Variants in SBNO1 observed in about 807,000 individuals in gnomAD.
The protein encoded by SBNO1 is protein strawberry notch homolog 1.
Under a neutral mutation model 173.6 loss-of-function variants are expected in SBNO1, and 23 were observed. The ratio of observed to expected loss-of-function variants is 0.13; its 90% CI spans 0.10 to 0.19. The LOEUF is 0.19. Among genes scored for constraint, SBNO1 ranks in the 10% least tolerant of loss-of-function variants. The pLI is 1.00. For synonymous variants in SBNO1, 632 were observed against 571.5 expected (o/e 1.11, Z -1.51); for missense variants, 1,238 against 1,671.2 (o/e 0.74, Z 4.52).
intron 1 of SBNO1, among the ~76,000 whole-genome samples, chr12:123,360,637 G>T (rs1429010692): frequency 6.6e-6 from 1 of 151,822 alleles, no homozygotes; most frequent in African/African-American, 2.4e-5. Flanking sequence ...GTAGACAGGG[G>T]TTTCATCGTG....
chr12:123,332,739 G>T (rs1225242969), intron 7 of SBNO1, among the ~76,000 whole-genome samples: 2 of 151,750 alleles, frequency 1.3e-5, no homozygotes, highest in African/African-American at 2.4e-5. Flanking sequence ...GCTAATTTTT[G>T]TATTTTTGGT....
intron 9 of SBNO1, among the ~76,000 whole-genome samples, chr12:123,329,119 C>T (rs1009302477): frequency 6.6e-6 from 1 of 152,176 alleles, no homozygotes; most frequent in Admixed American, 6.5e-5. Context: ...GTGGCTCACA[C>T]CTGTAATCCC....
At chr12:123,359,157 T>C (rs1275394248) in intron 1 of SBNO1, among the ~76,000 whole-genome samples, 1 of 151,796 alleles carries the variant, frequency 6.6e-6, no homozygotes, top group Non-Finnish European at 1.5e-5. Flanking sequence ...ATGGTCTCCA[T>C]CTCCCGACCT....
intron 5 of SBNO1, among the ~76,000 whole-genome samples, chr12:123,340,366 A>G (rs1872386582): frequency 6.6e-6 from 1 of 152,052 alleles, no homozygotes; most frequent in Non-Finnish European, 1.5e-5. Context: ...AGATTACCTG[A>G]GGTCAGGAGT....
chr12:123,346,720 CA>C (rs1873195109), intron 3 of SBNO1, among the ~76,000 whole-genome samples: 1 of 151,652 alleles, frequency 6.6e-6, no homozygotes, highest in African/African-American at 2.4e-5. Flanking sequence ...CAACTTTTTT[CA>C]ATATTTTGAC....
chr12:123,304,929 T>C (rs1256200486), intron 28 of SBNO1, among the ~76,000 whole-genome samples: 1 of 152,196 alleles, frequency 6.6e-6, no homozygotes, highest in Admixed American at 6.5e-5. Context: ...TGGCTAAAGA[T>C]GAAGGTTAAA....
chr12:123,314,306 ATAGGTGCCCGCCACC>A (rs1315004205), intron 23 of SBNO1, among the ~76,000 whole-genome samples: 1 of 149,922 alleles, frequency 6.7e-6, no homozygotes, highest in Non-Finnish European at 1.5e-5. Context: ...AGCTGGGATT[ATAGGTGCCCGCCACC>A]ATGCCCAACT....
At chr12:123,333,537 C>T (rs1210400895) in intron 7 of SBNO1, among the ~76,000 whole-genome samples, 1 of 151,924 alleles carries the variant, frequency 6.6e-6, no homozygotes, top group Admixed American at 6.6e-5. Context: ...GTCTCGTTCC[C>T]ATCACCCAGG....
At chr12:123,363,704 C>T (rs895123922) in intron 1 of SBNO1, among the ~76,000 whole-genome samples, 1 of 152,096 alleles carries the variant, frequency 6.6e-6, no homozygotes, top group Non-Finnish European at 1.5e-5. Flanking sequence ...TCTTTTCCCA[C>T]GTTTCTCAAC....
intron 24 of SBNO1, among the ~76,000 whole-genome samples, chr12:123,311,720 C>CTATCTATATATATATA (rs1224940028): frequency 5.5e-5 from 7 of 127,430 alleles, no homozygotes; most frequent in African/African-American, 2.2e-4. Flanking sequence ...ATCTATCTAT[C>CTATCTATATATATATA]TATATATATA....
intron 28 of SBNO1, among the ~76,000 whole-genome samples, chr12:123,308,932 C>T (rs1006680573): frequency 2.6e-5 from 4 of 152,058 alleles, no homozygotes; most frequent in African/African-American, 7.2e-5. Flanking sequence ...GAAGAAACCC[C>T]GTCTCTACTA....
intron 1 of SBNO1, among the ~76,000 whole-genome samples, chr12:123,362,292 C>T (rs1447214210): frequency 1.3e-5 from 2 of 151,400 alleles, no homozygotes; most frequent in South Asian, 2.1e-4. Context: ...AAAAATTAGC[C>T]GGGCGTGGCA....
chr12:123,356,992 TGACA>T (rs1160733527), intron 1 of SBNO1, among the ~76,000 whole-genome samples: 1 of 152,240 alleles, frequency 6.6e-6, no homozygotes, highest in East Asian at 1.9e-4. Flanking sequence ...GTGATATGAC[TGACA>T]TTTAGTTTAA....
intron 1 of SBNO1, among the ~76,000 whole-genome samples, chr12:123,360,087 C>A (rs1874957548): frequency 6.6e-6 from 1 of 151,882 alleles, no homozygotes; most frequent in East Asian, 1.9e-4. Context: ...TAAAAACACA[C>A]AAAAAAATTA....
chr12:123,320,875 T>C lies in SBNO1; in HGVS notation c.2324-9A>G, dbSNP rs1869874193. ...TCTAATTAACCAGGGATCTGAGTGT[T>C]AAGGAAAGATACATGTCAAATCATT... On this transcript the variant is annotated splice_polypyrimidine_tract_variant and intron_variant, in intron 17 of 31. Transcript: ENST00000602398. 1 of 1,542,808 alleles carries C rather than the reference T, an allele frequency of 6.5e-7. No individual in the cohort carries two copies. The highest frequency in any genetic ancestry group is 8.8e-7 in the Non-Finnish European group (1 of 1,142,262).
At chr12:123,303,604 G>A (rs1156748633) in intron 29 of SBNO1, among the ~76,000 whole-genome samples, 1 of 152,056 alleles carries the variant, frequency 6.6e-6, no homozygotes, top group African/African-American at 2.4e-5. Flanking sequence ...AGCCAAGATC[G>A]CGCCACTACA....
chr12:123,310,968 C>G, intron 25 of SBNO1, 87 bp downstream of exon 25: 1 of 992,972 alleles, frequency 1.0e-6, no homozygotes. Context: ...GAACATGAAG[C>G]TTCCCCTTCA....
chr12:123,291,293 AG>A lies in SBNO1; in HGVS notation c.*4614del, dbSNP rs1187216874. The A allele has an allele frequency of 6.6e-6, 1 of 152,232 alleles. No homozygotes were observed. Among genetic ancestry groups the A allele is most frequent in the African/African-American group, 2.4e-5 (1 of 41,452 alleles). 9.4% of individuals were successfully genotyped at this position (152,232 alleles called of 1,614,324 possible). A position where few individuals can be genotyped will look rare whatever the true frequency, so the allele number is the denominator to read the frequency against. ...ATTTTCCTATCAGGTGGGAAGACAGAGATAAGAAATATGGTAAGGCCTGAAA... is the reference window on the plus strand; with the variant it reads ...ATTTTCCTATCAGGTGGGAAGACAGAATAAGAAATATGGTAAGGCCTGAAA... On this transcript the variant is annotated 3_prime_UTR_variant, in exon 32 of 32. Transcript: ENST00000602398.
chr12:123,345,274 T>C lies in SBNO1; in HGVS notation c.534A>G (p.Pro178=), dbSNP rs1201839455. The stretch of plus-strand genomic sequence containing the variant: ...CAGACTTACTAGCTGCTGTTGCTAC[T>C]GGCTGAGCAATATTAGCAGGTGGCT... ...KLKPPANIAQ[P]VATAATDVSN... is the part of the protein sequence containing the mutation. Residue 178 remains proline, a synonymous_variant, in exon 4 of 32, where the codon CCA becomes CCG. Transcript: ENST00000602398. 6.2e-7 allele frequency: 1 copy of C among 1,613,462 alleles called. No homozygotes were observed. The highest frequency in any genetic ancestry group is 1.7e-5 in the Admixed American group (1 of 59,984).
Sources: gnomAD v4.1 joint callset for allele counts (sites outside exome capture counted in the v4.1 genomes callset) on GRCh38, gnomAD v4.1.1 for gene constraint, MANE v1.5 for transcripts, NCBI Gene and HGNC (gene_info 2026-07-23, HGNC 2026-07-21) for gene names.